VAC14: variants seen among roughly 807,000 people sequenced by gnomAD.
VAC14 encodes protein VAC14 homolog.
VAC14 carries 47 observed loss-of-function variants against 85.3 expected under a neutral mutation model. The observed-to-expected ratio is 0.55, with a 90% CI of 0.44 to 0.70. VAC14 has a LOEUF of 0.70. Ranked by LOEUF, VAC14 falls within the 30% of genes least tolerant of loss-of-function variation. VAC14 has a pLI of 0.00. For missense variants in VAC14, 861 were observed against 1,004.3 expected (o/e 0.86, Z 1.93); for synonymous variants, 447 against 430.5 (o/e 1.04, Z -0.47).
At chr16:70,722,982 G>A (rs1328652999) in intron 14 of VAC14, among the ~76,000 whole-genome samples, 1 of 152,118 alleles carries the variant, frequency 6.6e-6, no homozygotes, top group Non-Finnish European at 1.5e-5. Context: ...TTGGGAGGCT[G>A]GGGTGGGTGG....
At chr16:70,754,057 G>T (rs1253906268) in intron 12 of VAC14, among the ~76,000 whole-genome samples, 1 of 152,136 alleles carries the variant, frequency 6.6e-6, no homozygotes, top group Non-Finnish European at 1.5e-5. Context: ...ACCAGTTACT[G>T]TGCCCAGCTC....
intron 14 of VAC14, among the ~76,000 whole-genome samples, chr16:70,706,503 G>A (rs1364647069): frequency 2.0e-5 from 3 of 152,172 alleles, no homozygotes; most frequent in Non-Finnish European, 4.4e-5. Context: ...TGCACAGAGG[G>A]GCGAGCCCTT....
chr16:70,710,651 C>A lies in VAC14; in HGVS notation c.1662-11840G>T, dbSNP rs183057878. 3.7e-3 allele frequency among the ~76,000 whole-genome samples: 564 copies of A among 152,356 alleles called. 4 individuals are homozygous for A. Among genetic ancestry groups the A allele is most frequent in the African/African-American group, 0.013 (538 of 41,586 alleles). On this transcript the variant is annotated intron_variant, in intron 14 of 18. Coordinates refer to ENST00000261776, the MANE Select transcript of VAC14 (RefSeq NM_018052.5). The stretch of plus-strand genomic sequence containing the variant: ...AGCACTCCAGCTGCTGCGTATTCCA[C>A]AGTTTACAGATGGTGAGCCTCCCCT...
intron 14 of VAC14, among the ~76,000 whole-genome samples, chr16:70,712,481 T>C (rs534328377): frequency 3.9e-5 from 6 of 152,014 alleles, no homozygotes; most frequent in Non-Finnish European, 7.4e-5. Context: ...CCCTGAGCCA[T>C]TGGGCTCAGG....
chr16:70,696,204 T>G (rs948726663), intron 16 of VAC14, among the ~76,000 whole-genome samples: 1 of 152,138 alleles, frequency 6.6e-6, no homozygotes, highest in African/African-American at 2.4e-5. Context: ...GGGGCTAGTT[T>G]GCTTACTGGT....
chr16:70,790,223 C>T (rs1598020684), intron 1 of VAC14, among the ~76,000 whole-genome samples: 1 of 152,264 alleles, frequency 6.6e-6, no homozygotes, highest in African/African-American at 2.4e-5. Flanking sequence ...TGTACTAGGG[C>T]TCTATAAGGG....
At chr16:70,794,204 G>A (rs887196821) in intron 1 of VAC14, among the ~76,000 whole-genome samples, 1 of 151,998 alleles carries the variant, frequency 6.6e-6, no homozygotes, top group East Asian at 1.9e-4. Flanking sequence ...GTATATTCAC[G>A]AAGCTGTGCA....
chr16:70,787,850 GAAGAA>G (rs919294482), intron 1 of VAC14, among the ~76,000 whole-genome samples: 2 of 152,230 alleles, frequency 1.3e-5, no homozygotes, highest in African/African-American at 4.8e-5. Flanking sequence ...TCTCCAGTTA[GAAGAA>G]TAGATTTCAT....
chr16:70,780,316 A>G (rs1567599327), intron 9 of VAC14, among the ~76,000 whole-genome samples: 1 of 151,696 alleles, frequency 6.6e-6, no homozygotes, highest in Non-Finnish European at 1.5e-5. Context: ...TAACCCTCCC[A>G]CCCTGAGAAT....
chr16:70,737,794 A>G (rs1287958845), intron 13 of VAC14, among the ~76,000 whole-genome samples: 1 of 151,954 alleles, frequency 6.6e-6, no homozygotes, highest in Non-Finnish European at 1.5e-5. Context: ...GAAACCTCAC[A>G]TGTCAGGATA....
At chr16:70,766,430 ACTTTCTCCAC>A (rs1460625300) in intron 10 of VAC14, 1 of 454,250 alleles carries the variant, frequency 2.2e-6, no homozygotes, top group Non-Finnish European at 4.4e-6. Context: ...ACATTCTCCA[ACTTTCTCCAC>A]AGCAAACACC....
intron 4 of VAC14, 138 bp downstream of exon 4, chr16:70,784,638 G>A (rs2033964215): frequency 1.2e-6 from 1 of 846,020 alleles, no homozygotes; most frequent in African/African-American, 1.7e-5. Flanking sequence ...TCATAGAACT[G>A]CACACCAGGG....
Position 70,778,120 on chromosome 16 carries a change from C to T in VAC14, c.1096+2670G>A, listed in dbSNP as rs775984795. ...GGCAGTAAAATCCAGAGCCAAGAGG[C>T]ATGAATGTATCCTGGTTAGGGTAAT... On this transcript the variant is annotated intron_variant, in intron 9 of 18. Coordinates refer to ENST00000261776, the MANE Select transcript of VAC14 (RefSeq NM_018052.5). Among the ~76,000 whole-genome samples the T allele has an allele frequency of 4.6e-5, 7 of 152,284 alleles. No individual in the cohort carries two copies. In the South Asian group the frequency reaches 8.3e-4, roughly 18 times the overall value.
chr16:70,735,491 A>G (rs2054722161), intron 13 of VAC14, among the ~76,000 whole-genome samples: 1 of 152,222 alleles, frequency 6.6e-6, no homozygotes. Context: ...AGCAGCAGCA[A>G]GACTCTCCTC....
intron 1 of VAC14, among the ~76,000 whole-genome samples, chr16:70,795,226 G>C (rs1021791181): frequency 1.3e-5 from 2 of 152,166 alleles, no homozygotes; most frequent in African/African-American, 4.8e-5. Context: ...CAGCACTTTG[G>C]GAGGCTGAGG....
chr16:70,761,004 TGTGTGTGTGTGTGTGCATGGGGGG>T (rs1426805001), intron 12 of VAC14: 4 of 321,102 alleles, frequency 1.2e-5, no homozygotes, highest in Non-Finnish European at 1.8e-5. Context: ...TGTGTGTGTG[TGTGTGTGTGTGTGTGCATGGGGGG>T]GCGGGGGGTA....
chr16:70,742,941 A>G (rs1190531783), intron 13 of VAC14, among the ~76,000 whole-genome samples: 1 of 152,264 alleles, frequency 6.6e-6, no homozygotes, highest in African/African-American at 2.4e-5. Flanking sequence ...CACACCAATC[A>G]GTGCTCTGTG....
intron 10 of VAC14, chr16:70,766,415 T>C (rs1343337570): frequency 2.2e-6 from 1 of 452,636 alleles, no homozygotes; most frequent in Admixed American, 2.4e-5. Flanking sequence ...GCATTTCGTG[T>C]ATTAACATTC....
chr16:70,687,671 C>CT lies in VAC14; in HGVS notation c.*256dup. 1 of 376,982 alleles carries CT rather than the reference C, an allele frequency of 2.7e-6. No homozygotes were observed. The highest frequency in any genetic ancestry group is 1.1e-4 in the South Asian group (1 of 8,906). 23.4% of individuals were successfully genotyped at this position (376,982 alleles called of 1,614,324 possible). A position where few individuals can be genotyped will look rare whatever the true frequency, so the allele number is the denominator to read the frequency against. ...GTTGATTCCAGAGGATGAGTGGTCT[C>CT]TGAGGCTATAGCCCCCCACTGGGTG... On this transcript the variant is annotated 3_prime_UTR_variant, in exon 19 of 19. Transcript: ENST00000261776.
Sources: allele counts gnomAD v4.1 joint callset (sites outside exome capture counted in the v4.1 genomes callset), GRCh38; gene constraint gnomAD v4.1.1; transcripts MANE v1.5; gene names NCBI Gene and HGNC (gene_info 2026-07-23, HGNC 2026-07-21).